Variants in NEMF observed in about 807,000 individuals in gnomAD.
The protein encoded by NEMF is ribosome quality control complex subunit NEMF.
NEMF carries 89 observed loss-of-function variants against 162.2 expected under a neutral mutation model. That is an observed-to-expected ratio of 0.55 (90% confidence interval 0.46 to 0.65). NEMF has a LOEUF of 0.65. Ranked by LOEUF, NEMF falls within the 30% of genes least tolerant of loss-of-function variation. The pLI is 0.00. For synonymous variants in NEMF, 421 were observed against 404.5 expected (o/e 1.04, Z -0.49); for missense variants, 1,133 against 1,261.9 (o/e 0.90, Z 1.55).
At chr14:49,799,388 A>ATT in intron 25 of NEMF, 87 bp downstream of exon 25, 1 of 1,119,292 alleles carries the variant, frequency 8.9e-7, no homozygotes, top group East Asian at 2.4e-5. Context: ...AAGTCTTTAA[A>ATT]CAGCTAAGTA....
At chr14:49,787,120 T>C (rs1890214423) in intron 28 of NEMF, 1 of 176,340 alleles carries the variant, frequency 5.7e-6, no homozygotes, top group African/African-American at 2.4e-5. Context: ...ATGGAGAATT[T>C]TGGTCAACAG....
At chr14:49,820,716 T>C (rs1891964387) in intron 16 of NEMF, among the ~76,000 whole-genome samples, 1 of 152,114 alleles carries the variant, frequency 6.6e-6, no homozygotes, top group Non-Finnish European at 1.5e-5. Context: ...GCAACCTCCC[T>C]GCCTGATTCT....
chr14:49,802,665 G>C lies in NEMF; in HGVS notation c.1974+4C>G. The C allele has an allele frequency of 6.2e-7, 1 of 1,611,522 alleles. No homozygotes were observed. The highest frequency in any genetic ancestry group is 8.5e-7 in the Non-Finnish European group (1 of 1,179,110). On this transcript the variant is annotated splice_donor_region_variant and intron_variant, in intron 21 of 32. Transcript: ENST00000298310. ...AAATAAATAACCAAGAAGTTGAAGA[G>C]TACCTTAAAAAGGAAGCTAAACCCC...
Position 49,785,754 on chromosome 14 carries a change from G to T in NEMF, c.2929-434C>A, listed in dbSNP as rs534019939. On this transcript the variant is annotated intron_variant, in intron 29 of 32. Transcript: ENST00000298310. ...AATATAAAAGTTAGCTGGGTATAGT[G>T]GGTGCCTGTAGTCCCAGCTACTCGG... 48 of 174,658 alleles carry T rather than the reference G, an allele frequency of 2.7e-4. No homozygotes were observed. In the South Asian group the frequency reaches 5.8e-3, roughly 21 times the overall value. 10.8% of individuals were successfully genotyped at this position (174,658 alleles called of 1,614,324 possible).
chr14:49,801,954 CTT>C (rs199736302), intron 22 of NEMF, among the ~76,000 whole-genome samples: 119 of 144,480 alleles, frequency 8.2e-4, no homozygotes, highest in South Asian at 5.1e-3. Context: ...CAATTAAATA[CTT>C]TTTTTTTTTT....
chr14:49,795,364 G>T (rs1254931629), intron 26 of NEMF, among the ~76,000 whole-genome samples: 5 of 148,186 alleles, frequency 3.4e-5, no homozygotes, highest in Admixed American at 6.7e-5. Flanking sequence ...GGGTTGGGGG[G>T]TGGGGAGGTG....
intron 23 of NEMF, among the ~76,000 whole-genome samples, 187 bp downstream of exon 23, chr14:49,800,233 T>A (rs898138522): frequency 2.0e-5 from 3 of 152,152 alleles, no homozygotes; most frequent in Non-Finnish European, 4.4e-5. Context: ...CCACTCTATA[T>A]GCACTGTATT....
intron 16 of NEMF, among the ~76,000 whole-genome samples, chr14:49,825,520 G>T (rs1415286086): frequency 1.3e-5 from 2 of 152,164 alleles, no homozygotes; most frequent in African/African-American, 2.4e-5. Context: ...AGGATCTCTT[G>T]AGCCTAGAAG....
At chr14:49,811,691 G>A (rs1018719768) in intron 18 of NEMF, among the ~76,000 whole-genome samples, 3 of 152,128 alleles carry the variant, frequency 2.0e-5, no homozygotes, top group Non-Finnish European at 2.9e-5. Context: ...TTCTTCATAA[G>A]TTGAGATAAT....
At chr14:49,830,085 T>C (rs931252420) in intron 11 of NEMF, among the ~76,000 whole-genome samples, 2 of 152,228 alleles carry the variant, frequency 1.3e-5, no homozygotes, top group Non-Finnish European at 2.9e-5. Context: ...AGGTTATCAA[T>C]TGGGGGACAA....
intron 29 of NEMF, 108 bp from the exon 30 acceptor site, chr14:49,785,428 T>G: frequency 1.3e-6 from 1 of 744,492 alleles, no homozygotes; most frequent in African/African-American, 1.7e-5. Context: ...TTTCCTGATA[T>G]ACATACCATC....
chr14:49,803,516 A>G (rs192010030), intron 19 of NEMF, among the ~76,000 whole-genome samples: 2 of 151,870 alleles, frequency 1.3e-5, no homozygotes, highest in Admixed American at 1.3e-4. Context: ...CACTACATCA[A>G]TAATTTTCTT....
Position 49,782,443 on chromosome 14 carries a change from G to A in NEMF, c.*2193C>T. The A allele has an allele frequency of 6.2e-7, 1 of 1,611,822 alleles. No homozygotes were observed. Among genetic ancestry groups the A allele is most frequent in the Non-Finnish European group, 8.5e-7 (1 of 1,178,082 alleles). ...TGGTGGATGTGCCAACAACTTGCTTGTCCATCACAGAGCTGTAAGTATACT... is the reference window on the plus strand; with the variant it reads ...TGGTGGATGTGCCAACAACTTGCTTATCCATCACAGAGCTGTAAGTATACT... On this transcript the variant is annotated 3_prime_UTR_variant, in exon 33 of 33. Coordinates refer to ENST00000298310, the MANE Select transcript of NEMF (RefSeq NM_004713.6).
intron 18 of NEMF, among the ~76,000 whole-genome samples, chr14:49,809,452 G>A (rs1891368879): frequency 6.6e-6 from 1 of 152,120 alleles, no homozygotes; most frequent in Non-Finnish European, 1.5e-5. Flanking sequence ...GGAAGGGAGG[G>A]ATGAACAGGC....
intron 6 of NEMF, among the ~76,000 whole-genome samples, chr14:49,835,160 A>G (rs1170185482): frequency 1.3e-5 from 2 of 148,834 alleles, no homozygotes; most frequent in African/African-American, 2.5e-5. Context: ...AGATCGTGCC[A>G]TTGCACTGCA....
At chr14:49,831,466 C>G in intron 10 of NEMF, 105 bp from the exon 11 acceptor site, 2 of 726,678 alleles carry the variant, frequency 2.8e-6, no homozygotes, top group Non-Finnish European at 4.7e-6. Flanking sequence ...GAGACAGAGT[C>G]TCACTCTGTT....
chr14:49,801,844 AT>A (rs1194115597), intron 22 of NEMF, among the ~76,000 whole-genome samples: 38 of 152,226 alleles, frequency 2.5e-4, no homozygotes, highest in African/African-American at 8.7e-4. Context: ...GCTAATGCAC[AT>A]TTACCCGAGT....
intron 4 of NEMF, chr14:49,844,665 T>C (rs1429418047): frequency 6.3e-6 from 1 of 159,938 alleles, no homozygotes; most frequent in Non-Finnish European, 1.4e-5. Context: ...AAAAAAATTA[T>C]GCTTACCTCA....
At chr14:49,813,655 T>A (rs903715747) in intron 18 of NEMF, among the ~76,000 whole-genome samples, 1 of 110,294 alleles carries the variant, frequency 9.1e-6, no homozygotes, top group Admixed American at 1.1e-4. Context: ...TACATCTTTT[T>A]TTATTAGGTG....
Sources: allele counts gnomAD v4.1 joint callset (sites outside exome capture counted in the v4.1 genomes callset), GRCh38; gene constraint gnomAD v4.1.1; transcripts MANE v1.5; gene names NCBI Gene and HGNC (gene_info 2026-07-23, HGNC 2026-07-21).